BACH2: variants seen among roughly 807,000 people sequenced by gnomAD.
BACH2 encodes the protein BACH transcriptional regulator 2.
Under a neutral mutation model 61.8 loss-of-function variants are expected in BACH2, and 5 were observed. The ratio of observed to expected loss-of-function variants is 0.08; its 90% confidence interval spans 0.04 to 0.17. The LOEUF is 0.17. BACH2 is among the 10% of genes least tolerant of loss of function. The pLI is 1.00. For missense variants in BACH2, 824 were observed against 1,091.1 expected, an observed-to-expected ratio of 0.76 and a Z score of 3.45; for synonymous variants, 446 against 440.1, an observed-to-expected ratio of 1.01 and a Z score of -0.17.
chr6:89,948,325 G>A (rs1773869373), intron 7 of BACH2, among the ~76,000 whole-genome samples: 1 of 152,034 alleles, frequency 6.6e-6, no homozygotes, highest in East Asian at 1.9e-4. Context: ...TCCCACCTCA[G>A]TCCCACAGGT....
chr6:89,938,541 A>G (rs765683991), intron 7 of BACH2, among the ~76,000 whole-genome samples, 191 bp from the exon 8 acceptor site: 1 of 152,256 alleles, frequency 6.6e-6, no homozygotes, highest in Non-Finnish European at 1.5e-5. Flanking sequence ...ATCAAACAGA[A>G]TAAGAACACA....
At chr6:90,059,111 A>T (rs1314176726) in intron 5 of BACH2, among the ~76,000 whole-genome samples, 1 of 152,248 alleles carries the variant, frequency 6.6e-6, no homozygotes, top group African/African-American at 2.4e-5. Context: ...AACAAAAGAC[A>T]AAATTGACAA....
chr6:90,208,019 C>T (rs1364997245), intron 3 of BACH2, among the ~76,000 whole-genome samples: 1 of 152,148 alleles, frequency 6.6e-6, no homozygotes, highest in African/African-American at 2.4e-5. Context: ...CAAATCACTC[C>T]TTGGCTATTT....
chr6:90,214,175 A>G (rs887786501), intron 3 of BACH2, among the ~76,000 whole-genome samples: 1 of 152,256 alleles, frequency 6.6e-6, no homozygotes, highest in Non-Finnish European at 1.5e-5. Flanking sequence ...AAGGGAGTAC[A>G]CAGTGGCTAT....
chr6:90,195,440 T>C (rs1472149344), intron 4 of BACH2, among the ~76,000 whole-genome samples: 2 of 152,212 alleles, frequency 1.3e-5, no homozygotes, highest in Non-Finnish European at 2.9e-5. Context: ...TCACCTTGGA[T>C]TTTTCTCATT....
intron 6 of BACH2, among the ~76,000 whole-genome samples, chr6:89,985,405 C>T (rs1265437642): frequency 6.6e-6 from 1 of 152,168 alleles, no homozygotes; most frequent in Non-Finnish European, 1.5e-5. Flanking sequence ...AGGCCATCTC[C>T]TCTCTGTCTA....
intron 4 of BACH2, among the ~76,000 whole-genome samples, chr6:90,141,489 GTTT>G (rs113693692): frequency 7.6e-6 from 1 of 132,202 alleles, no homozygotes; most frequent in Admixed American, 7.7e-5. Flanking sequence ...CCCCGATCCC[GTTT>G]TTTTTTTTTT....
chr6:90,011,205 A>G (rs895900722), intron 5 of BACH2, among the ~76,000 whole-genome samples: 1 of 152,148 alleles, frequency 6.6e-6, no homozygotes, highest in Non-Finnish European at 1.5e-5. Flanking sequence ...TCTATGGCCC[A>G]TTTTGAGTTA....
intron 4 of BACH2, among the ~76,000 whole-genome samples, chr6:90,155,362 G>A (rs1482412053): frequency 8.5e-5 from 13 of 152,196 alleles, no homozygotes; most frequent in African/African-American, 2.7e-4. Context: ...AGGTGTCAGC[G>A]ATATGTTCCA....
Position 89,932,220 on chromosome 6 carries a change from G to GA in BACH2, c.*187dup. 1 of 768,430 alleles carries GA rather than the reference G, an allele frequency of 1.3e-6. No individual in the cohort carries two copies. Among genetic ancestry groups the GA allele is most frequent in the Non-Finnish European group, 2.1e-6 (1 of 476,378 alleles). 47.6% of individuals were successfully genotyped at this position (768,430 alleles called of 1,614,324 possible). A position where few individuals can be genotyped will look rare whatever the true frequency, so the allele number is the denominator to read the frequency against. On this transcript the variant is annotated 3_prime_UTR_variant, in exon 9 of 9. Coordinates refer to ENST00000257749, the MANE Select transcript of BACH2 (RefSeq NM_021813.4). ...CCTGGGCAAGGGGTAGCACCATTGT[G>GA]AAGGTAACTATCACTCCTGCTCGAG...
chr6:90,197,758 G>C (rs545296902), intron 4 of BACH2, among the ~76,000 whole-genome samples: 2 of 152,216 alleles, frequency 1.3e-5, no homozygotes, highest in Non-Finnish European at 2.9e-5. Context: ...CCTGATGAAG[G>C]ACGGCCCAGG....
At chr6:90,145,884 A>C (rs1242606270) in intron 4 of BACH2, among the ~76,000 whole-genome samples, 1 of 152,234 alleles carries the variant, frequency 6.6e-6, no homozygotes, top group East Asian at 1.9e-4. Context: ...AAACCGGTAG[A>C]GGAAGACAAT....
At chr6:90,194,380 CTTAGAG>C (rs901766866) in intron 4 of BACH2, among the ~76,000 whole-genome samples, 7 of 151,892 alleles carry the variant, frequency 4.6e-5, no homozygotes, top group African/African-American at 1.5e-4. Flanking sequence ...TTCGGTAAGA[CTTAGAG>C]TTATAGTTCA....
intron 4 of BACH2, among the ~76,000 whole-genome samples, chr6:90,095,126 C>T (rs1309623074): frequency 5.3e-5 from 8 of 152,064 alleles, no homozygotes; most frequent in Non-Finnish European, 1.2e-4. Context: ...TATTCAGAAA[C>T]ACTAAGTGGA....
chr6:90,012,761 G>A (rs906794598), intron 5 of BACH2, among the ~76,000 whole-genome samples: 1 of 151,750 alleles, frequency 6.6e-6, no homozygotes, highest in South Asian at 2.1e-4. Context: ...CACCTCCTGG[G>A]TTCAAGTGAT....
intron 4 of BACH2, among the ~76,000 whole-genome samples, chr6:90,134,204 G>A (rs1784198010): frequency 6.6e-6 from 1 of 152,140 alleles, no homozygotes; most frequent in Non-Finnish European, 1.5e-5. Context: ...AGCACCTGTT[G>A]TTTCCTGACT....
At chr6:90,160,863 G>A (rs770623625) in intron 4 of BACH2, among the ~76,000 whole-genome samples, 45 of 152,062 alleles carry the variant, frequency 3.0e-4, no homozygotes, top group Non-Finnish European at 5.0e-4. Flanking sequence ...GGCCGAGGCC[G>A]GTGGATCACG....
intron 4 of BACH2, among the ~76,000 whole-genome samples, chr6:90,176,312 G>C (rs1767981594): frequency 6.6e-6 from 1 of 152,180 alleles, no homozygotes; most frequent in Non-Finnish European, 1.5e-5. Flanking sequence ...GATTAGTGAA[G>C]GAGGGAGCAA....
At chr6:89,942,571 T>C (rs1275582396) in intron 7 of BACH2, among the ~76,000 whole-genome samples, 1 of 152,292 alleles carries the variant, frequency 6.6e-6, no homozygotes, top group African/African-American at 2.4e-5. Flanking sequence ...ACAGCCAATG[T>C]GATGAGGTGA....
Sources: allele counts gnomAD v4.1 joint callset (sites outside exome capture counted in the v4.1 genomes callset), GRCh38; gene constraint gnomAD v4.1.1; transcripts MANE v1.5; gene names NCBI Gene and HGNC (gene_info 2026-07-23, HGNC 2026-07-21).